Variants in CSMD1 observed in about 807,000 individuals in gnomAD.
CSMD1 encodes the protein CUB and sushi domain-containing protein 1.
A neutral mutation model predicts 417.5 loss-of-function variants in CSMD1; 213 were observed. The ratio of observed to expected loss-of-function variants is 0.51; its 90% confidence interval spans 0.46 to 0.57. The LOEUF (loss-of-function observed/expected upper bound fraction) is 0.57, where lower values mean the gene tolerates loss of function less well. Among genes scored for constraint, CSMD1 ranks in the 20% least tolerant of loss-of-function variants. The pLI, the probability that CSMD1 is intolerant of heterozygous loss-of-function variation, is 0.00. For missense variants in CSMD1, 6,923 were observed against 4,529.7 expected (o/e 1.53, Z -15.17); for synonymous variants, 2,862 against 1,736.8 (o/e 1.65, Z -16.11).
intron 5 of CSMD1, among the ~76,000 whole-genome samples, chr8:3,992,954 G>C (rs927527773): frequency 2.0e-5 from 3 of 152,188 alleles, no homozygotes; most frequent in African/African-American, 7.2e-5. Flanking sequence ...CAAGTTCATA[G>C]AAACAAAGAA....
intron 7 of CSMD1, among the ~76,000 whole-genome samples, chr8:3,686,674 T>C (rs1040897839): frequency 2.0e-5 from 3 of 152,204 alleles, no homozygotes; most frequent in Non-Finnish European, 4.4e-5. Flanking sequence ...CTTATCCACC[T>C]GGTCACTTCT....
intron 3 of CSMD1, among the ~76,000 whole-genome samples, chr8:4,262,466 G>A (rs1223856698): frequency 6.6e-6 from 1 of 152,190 alleles, no homozygotes; most frequent in Admixed American, 6.5e-5. Context: ...GGCAAAGACA[G>A]ATATTATATT....
chr8:3,461,429 G>A (rs1479941238), intron 12 of CSMD1, among the ~76,000 whole-genome samples: 1 of 152,184 alleles, frequency 6.6e-6, no homozygotes, highest in African/African-American at 2.4e-5. Flanking sequence ...TCAGTCCCCA[G>A]AGGCTGGAAT....
chr8:3,770,799 T>C (rs749228099), intron 5 of CSMD1, among the ~76,000 whole-genome samples: 1 of 152,098 alleles, frequency 6.6e-6, no homozygotes, highest in Non-Finnish European at 1.5e-5. Context: ...TTATACTCTC[T>C]CAACCATTAT....
chr8:3,991,106 G>A (rs907862623), intron 5 of CSMD1, among the ~76,000 whole-genome samples: 1 of 152,162 alleles, frequency 6.6e-6, no homozygotes, highest in Non-Finnish European at 1.5e-5. Context: ...CCCTGGCCAC[G>A]AGCCGAGAGA....
At chr8:4,426,449 A>G (rs1797560139) in intron 2 of CSMD1, among the ~76,000 whole-genome samples, 1 of 148,442 alleles carries the variant, frequency 6.7e-6, no homozygotes, top group South Asian at 2.1e-4. Flanking sequence ...TAGAGCATAT[A>G]TAGTAAACAT....
intron 5 of CSMD1, among the ~76,000 whole-genome samples, chr8:3,829,763 A>T (rs553732796): frequency 6.6e-6 from 1 of 152,148 alleles, no homozygotes; most frequent in Admixed American, 6.5e-5. Flanking sequence ...CAATTATGTG[A>T]TTTCTCCAAG....
chr8:4,637,414 A>G lies in CSMD1; in HGVS notation c.230T>C (p.Phe77Ser). Residue 77 changes from phenylalanine (F) to serine (S), a missense_variant, in exon 2 of 70, where the codon TTT becomes TCT. Physicochemically the swap from Phe to Ser is radical, Grantham distance 155. Coordinates refer to ENST00000635120, the MANE Select transcript of CSMD1 (RefSeq NM_033225.6). ...AATATCAAAATCTTCTTCAAGAGCA[A>G]AGGTATGGAAGGACAACTGTATCCT... The part of the protein sequence containing the change: ...RNRIQLSFHT[F>S]ALEEDFDILS... 6.2e-7 allele frequency: 1 copy of G among 1,613,900 alleles called. No homozygotes were observed. Among genetic ancestry groups the G allele is most frequent in the Non-Finnish European group, 8.5e-7 (1 of 1,179,882 alleles).
At chr8:3,969,033 T>A (rs368538442) in intron 5 of CSMD1, among the ~76,000 whole-genome samples, 29 of 152,136 alleles carry the variant, frequency 1.9e-4, no homozygotes, top group Non-Finnish European at 3.8e-4. Flanking sequence ...GGTGGATCAC[T>A]TGAGTTCAGG....
intron 4 of CSMD1, among the ~76,000 whole-genome samples, chr8:4,026,225 G>C (rs1797057835): frequency 6.6e-6 from 1 of 152,136 alleles, no homozygotes; most frequent in South Asian, 2.1e-4. Context: ...ATGAGAAACT[G>C]TGCTGCATCA....
At chr8:4,367,930 A>G (rs1003185654) in intron 3 of CSMD1, among the ~76,000 whole-genome samples, 1 of 152,174 alleles carries the variant, frequency 6.6e-6, no homozygotes, top group Non-Finnish European at 1.5e-5. Flanking sequence ...GAAGTTGTTT[A>G]TCAGTTCTAG....
chr8:4,133,079 G>T lies in CSMD1; in HGVS notation c.416-100980C>A, dbSNP rs940262639. The stretch of plus-strand genomic sequence containing the variant: ...GCCTCTTGAGTAGTTGGGACTACAG[G>T]TGTACGCCACCATGCCCGGATAATT... On this transcript the variant is annotated intron_variant, in intron 3 of 69. Coordinates refer to ENST00000635120, the MANE Select transcript of CSMD1 (RefSeq NM_033225.6). 2.6e-5 allele frequency among the ~76,000 whole-genome samples: 4 copies of T among 152,052 alleles called. No individual in the cohort carries two copies. In the East Asian group the frequency reaches 5.8e-4, roughly 22 times the overall value.
At chr8:4,797,445 C>A (rs1798044187) in intron 1 of CSMD1, among the ~76,000 whole-genome samples, 2 of 152,112 alleles carry the variant, frequency 1.3e-5, no homozygotes, top group Admixed American at 1.3e-4. Flanking sequence ...ACCTAAGTAC[C>A]AAATATAGGT....
intron 2 of CSMD1, among the ~76,000 whole-genome samples, chr8:4,456,208 G>C (rs1292072967): frequency 6.6e-6 from 1 of 151,974 alleles, no homozygotes; most frequent in Non-Finnish European, 1.5e-5. Flanking sequence ...GGTTTTTAAA[G>C]CTTGGGCCAA....
chr8:4,453,281 G>T (rs143272114), intron 2 of CSMD1, among the ~76,000 whole-genome samples: 231 of 151,358 alleles, frequency 1.5e-3, no homozygotes, highest in African/African-American at 5.3e-3. Flanking sequence ...ACCAAAACAT[G>T]AATTTACACT....
At chr8:4,866,998 T>A (rs193208401) in intron 1 of CSMD1, among the ~76,000 whole-genome samples, 1 of 152,148 alleles carries the variant, frequency 6.6e-6, no homozygotes, top group East Asian at 1.9e-4. Flanking sequence ...CCTCAGCATA[T>A]TACTACTCAA....
intron 64 of CSMD1, among the ~76,000 whole-genome samples, chr8:2,954,935 T>G (rs1554470850): frequency 6.6e-6 from 1 of 152,196 alleles, no homozygotes; most frequent in Non-Finnish European, 1.5e-5. Flanking sequence ...TCACACGCCA[T>G]CATTTTTGGT....
intron 1 of CSMD1, among the ~76,000 whole-genome samples, chr8:4,655,027 T>C (rs897537112): frequency 3.5e-5 from 4 of 114,612 alleles, no homozygotes; most frequent in Non-Finnish European, 5.3e-5. Flanking sequence ...TTGATACAGA[T>C]GTACCTCCAA....
chr8:4,973,229 A>AG (rs1428918298), intron 1 of CSMD1, among the ~76,000 whole-genome samples: 2 of 152,112 alleles, frequency 1.3e-5, no homozygotes, highest in African/African-American at 2.4e-5. Context: ...ATTGAGAGAA[A>AG]GCATTTTCTT....
Sources: gnomAD v4.1 joint callset for allele counts (sites outside exome capture counted in the v4.1 genomes callset) on GRCh38, gnomAD v4.1.1 for gene constraint, MANE v1.5 for transcripts, NCBI Gene and HGNC (gene_info 2026-07-23, HGNC 2026-07-21) for gene names.